Variants in SASH1 observed in about 807,000 individuals in gnomAD.
SASH1 encodes the protein SAM and SH3 domain containing 1.
A neutral mutation model predicts 125.2 loss-of-function variants in SASH1; 44 were observed. The observed-to-expected ratio is 0.35, with a 90% CI of 0.28 to 0.45. The LOEUF (loss-of-function observed/expected upper bound fraction) is 0.45. Among genes scored for constraint, SASH1 ranks in the 20% least tolerant of loss-of-function variants. The pLI, the probability that SASH1 is intolerant of heterozygous loss-of-function variation, is 1.00. For missense variants in SASH1, 1,426 were observed against 1,614.5 expected, an observed-to-expected ratio of 0.88 and a Z score of 2.00; for synonymous variants, 639 against 649.1, an observed-to-expected ratio of 0.98 and a Z score of 0.24.
chr6:148,467,088 C>CTTTTTTTTTTTTT lies in SASH1; in HGVS notation c.387-1444_387-1432dup, dbSNP rs71004298. On this transcript the variant is annotated intron_variant, in intron 4 of 19. Coordinates refer to ENST00000367467, the MANE Select transcript of SASH1 (RefSeq NM_015278.5). Reference sequence around the variant, plus strand: ...CTCCACACTCTACTGTTCCCTGTTCCTTTTTTTTTTTTTTTTTTTTTTTTT... The same window carrying CTTTTTTTTTTTTT: ...CTCCACACTCTACTGTTCCCTGTTCCTTTTTTTTTTTTTTTTTTTTTTTTTTTTTTTTTTTTTT... Among the ~76,000 whole-genome samples, 6 of 69,958 alleles carry CTTTTTTTTTTTTT rather than the reference C, an allele frequency of 8.6e-5. 1 individual carries two copies. The highest frequency in any genetic ancestry group is 1.2e-4 in the Non-Finnish European group (5 of 41,146). The allele number at this position is 69,958 out of a possible 152,430, so 45.9% of individuals were successfully genotyped here.
chr6:148,305,623 CAAAAAA>C (rs59521298), intron 1 of SASH1, among the ~76,000 whole-genome samples: 1 of 104,372 alleles, frequency 9.6e-6, no homozygotes, highest in Non-Finnish European at 1.9e-5. Context: ...GACTCTGACT[CAAAAAA>C]AAAAAAAAAA....
At chr6:148,291,070 G>A (rs1056355964) in intron 1 of SASH1, among the ~76,000 whole-genome samples, 2 of 151,410 alleles carry the variant, frequency 1.3e-5, no homozygotes, top group Non-Finnish European at 2.9e-5. Context: ...GCAAATCATG[G>A]CTCACTGCAG....
At chr6:148,323,003 C>CTT (rs1554234590) in intron 1 of SASH1, among the ~76,000 whole-genome samples, 3 of 140,926 alleles carry the variant, frequency 2.1e-5, no homozygotes, top group African/African-American at 5.3e-5. Context: ...CTCTCTCTCT[C>CTT]TCTTTCTTTC....
intron 1 of SASH1, among the ~76,000 whole-genome samples, chr6:148,314,058 C>CGCAAAACAAA (rs1469712366): frequency 0.015 from 2,296 of 152,232 alleles, 79 homozygotes; most frequent in African/African-American, 0.052. Flanking sequence ...GCGTCTCAGA[C>CGCAAAACAAA]ATGGTCTAGA....
Position 148,532,659 on chromosome 6 carries a change from G to C in SASH1, c.1565-138G>C. On this transcript the variant is annotated intron_variant, in intron 13 of 19. Coordinates refer to ENST00000367467, the MANE Select transcript of SASH1 (RefSeq NM_015278.5). This position sits in a 1 kb window ranked among gnomAD's most constrained non-coding sequence, Gnocchi z 4.7. ...GAATTCATAACTGGGCCCTGCCCTGGTCCTGACAGAGGGTTGTGGCTCAAG... is the reference window on the plus strand; with the variant it reads ...GAATTCATAACTGGGCCCTGCCCTGCTCCTGACAGAGGGTTGTGGCTCAAG... 2.0e-6 allele frequency: 2 copies of C among 981,470 alleles called. No homozygotes were observed. Among genetic ancestry groups the C allele is most frequent in the Non-Finnish European group, 3.1e-6 (2 of 651,556 alleles). The allele number at this position is 981,470 out of a possible 1,614,324, so 60.8% of individuals were successfully genotyped here. A position where few individuals can be genotyped will look rare whatever the true frequency, so the allele number is the denominator to read the frequency against.
Position 148,327,321 on chromosome 6 carries a change from G to A in SASH1, n.74+54944G>A, listed in dbSNP as rs1780857098. Among the ~76,000 whole-genome samples, 3 of 144,770 alleles carry A rather than the reference G, an allele frequency of 2.1e-5. No individual in the cohort carries two copies. In the Admixed American group the frequency reaches 2.1e-4, roughly 10 times the overall value. The allele number at this position is 144,770 out of a possible 152,430, so 95.0% of individuals were successfully genotyped here. A position where few individuals can be genotyped will look rare whatever the true frequency, so the allele number is the denominator to read the frequency against. On this transcript the variant is annotated intron_variant and non_coding_transcript_variant, in intron 1 of 3. Coordinates refer to the SASH1 transcript ENST00000367469. ...TTTTTTTGAGATGGAGTCTCGCTCT[G>A]TCGCCCAGGCTAGAGTGCAGTAGCA...
At chr6:148,325,365 C>T (rs1780769913) in intron 1 of SASH1, among the ~76,000 whole-genome samples, 1 of 151,992 alleles carries the variant, frequency 6.6e-6, no homozygotes, top group Non-Finnish European at 1.5e-5. Context: ...CAACCTCTGC[C>T]TCCCGGGTTC....
In SASH1 at chr6:148,544,796, C is replaced by T. The variant is rs767736360; in HGVS notation, c.3326C>T (p.Thr1109Met). The change falls in exon 18 of 20, where the codon ACG becomes ATG. Residue 1109 changes from threonine to methionine, a missense_variant. This residue lies in a region of SASH1 where 634 missense variants were observed against 694.4 expected (regional missense o/e 0.91). Transcript: ENST00000367467. This position sits in a 1 kb window ranked among gnomAD's most constrained non-coding sequence, Gnocchi z 6.4. ...NKLHAEGIDL[T>M]EEPYSDKHGR... ...CTGCACGCTGAAGGCATCGATCTCA[C>T]GGAGGAGCCGTATTCTGATAAGGTA... 46 of 1,593,886 alleles carry T rather than the reference C, an allele frequency of 2.9e-5. No individual in the cohort carries two copies. The highest frequency in any genetic ancestry group is 5.7e-5 in the South Asian group (5 of 88,068).
At chr6:148,247,512 C>T in the SASH1 span, among the ~76,000 whole-genome samples, 9 of 152,104 alleles carry the variant, frequency 5.9e-5, no homozygotes, top group African/African-American at 1.7e-4. Flanking sequence ...AGGCCACAGC[C>T]GGAGTTGGCC....
At chr6:148,416,945 G>A (rs1415674574) in intron 2 of SASH1, among the ~76,000 whole-genome samples, 1 of 152,154 alleles carries the variant, frequency 6.6e-6, no homozygotes, top group African/African-American at 2.4e-5. Context: ...TGAAGTCTGG[G>A]CAAGCAGCAG....
chr6:148,412,244 T>G (rs1190841454), intron 2 of SASH1, among the ~76,000 whole-genome samples: 2 of 152,240 alleles, frequency 1.3e-5, no homozygotes, highest in African/African-American at 4.8e-5. Context: ...TTTTATTTTA[T>G]TTTACATTTA....
chr6:148,229,488 T>A, the SASH1 span, among the ~76,000 whole-genome samples: 15 of 152,156 alleles, frequency 9.9e-5, no homozygotes, highest in African/African-American at 3.4e-4. Flanking sequence ...AAGAGACATA[T>A]AGCTTATATA....
rs899944060 is a variant in SASH1 at position 148,552,039 on chromosome 6, G to A, written c.*3481G>A. ...AGAAAAAAGTAAATAAATTTCTTCA[G>A]TTGAATATGCCTTTTTTGTTGTTTC... On this transcript the variant is annotated 3_prime_UTR_variant, in exon 20 of 20. Transcript: ENST00000367467. The A allele has an allele frequency of 1.3e-5, 2 of 152,558 alleles. No homozygotes were observed. Among genetic ancestry groups the A allele is most frequent in the Non-Finnish European group, 2.9e-5 (2 of 68,024 alleles). The allele number at this position is 152,558 out of a possible 1,614,324, so 9.5% of individuals were successfully genotyped here.
the SASH1 span, among the ~76,000 whole-genome samples, chr6:148,238,640 ACACACACAC>A: frequency 6.7e-6 from 1 of 148,926 alleles, no homozygotes; most frequent in African/African-American, 2.5e-5. Flanking sequence ...ACACACACAC[ACACACACAC>A]ACACACACAC....
chr6:148,404,321 C>T (rs542797886), intron 2 of SASH1, among the ~76,000 whole-genome samples: 1 of 152,198 alleles, frequency 6.6e-6, no homozygotes, highest in Admixed American at 6.5e-5. Context: ...AAGAAAGGCT[C>T]CCAATGAAAG....
chr6:148,410,422 C>T (rs1443854793), intron 2 of SASH1, among the ~76,000 whole-genome samples: 1 of 151,794 alleles, frequency 6.6e-6, no homozygotes, highest in Admixed American at 6.6e-5. Flanking sequence ...AATGTTGGGG[C>T]GGCTGTATGT....
chr6:148,298,901 A>G (rs1027290594), intron 1 of SASH1, among the ~76,000 whole-genome samples: 59 of 149,276 alleles, frequency 4.0e-4, no homozygotes, highest in Non-Finnish European at 6.9e-4. Context: ...GGGAAGGAAG[A>G]AAGGAAGGAA....
intron 1 of SASH1, among the ~76,000 whole-genome samples, chr6:148,385,391 G>T (rs1394697406): frequency 6.6e-6 from 1 of 152,206 alleles, no homozygotes; most frequent in African/African-American, 2.4e-5. Flanking sequence ...GAGTTGGCTT[G>T]TTGTTGGTTT....
chr6:148,332,156 T>C (rs1215143644), intron 1 of SASH1, among the ~76,000 whole-genome samples: 1 of 152,132 alleles, frequency 6.6e-6, no homozygotes, highest in Non-Finnish European at 1.5e-5. Flanking sequence ...TAACAGGTAA[T>C]GCTTTAGCAT....
Sources: allele counts gnomAD v4.1 joint callset (sites outside exome capture counted in the v4.1 genomes callset), GRCh38; gene constraint gnomAD v4.1.1; regional missense constraint gnomAD v4.1.1; non-coding constraint Gnocchi (gnomAD v3.1); transcripts MANE v1.5; gene names NCBI Gene and HGNC (gene_info 2026-07-23, HGNC 2026-07-21).